Variants in INPP5A observed in about 807,000 individuals in gnomAD.
The protein encoded by INPP5A is 43 kDa inositol polyphosphate 5-phophatase.
Under a neutral mutation model 65.2 loss-of-function variants are expected in INPP5A, and 14 were observed. The ratio of observed to expected loss-of-function variants is 0.21; its 90% confidence interval spans 0.14 to 0.34. INPP5A has a LOEUF of 0.34. INPP5A is among the 10% of genes least tolerant of loss of function. The pLI is 1.00. For missense variants in INPP5A, 431 were observed against 545.6 expected (o/e 0.79, Z 2.09); for synonymous variants, 207 against 208.3 (o/e 0.99, Z 0.05).
chr10:132,589,280 C>T (rs74524742), intron 1 of INPP5A, among the ~76,000 whole-genome samples: 2,310 of 152,368 alleles, frequency 0.015, 33 homozygotes, highest in South Asian at 0.039. Flanking sequence ...CCCTGCAGGG[C>T]CACGTGCGCA....
intron 2 of INPP5A, among the ~76,000 whole-genome samples, chr10:132,610,429 C>T (rs1306703894): frequency 1.3e-5 from 2 of 152,262 alleles, no homozygotes; most frequent in East Asian, 1.9e-4. Context: ...CGGGCCTGCA[C>T]ACCTGGTGGG....
chr10:132,574,219 G>T (rs374676377), intron 1 of INPP5A, among the ~76,000 whole-genome samples: 4 of 5,802 alleles, frequency 6.9e-4, no homozygotes, highest in South Asian at 0.016. Context: ...GCGTGCCGTG[G>T]GAGGTTTTGT....
intron 1 of INPP5A, among the ~76,000 whole-genome samples, chr10:132,606,647 G>A (rs1283165969): frequency 6.6e-6 from 1 of 152,214 alleles, no homozygotes; most frequent in Non-Finnish European, 1.5e-5. Context: ...GCAAGTGAAC[G>A]GAGGAGCGCG....
intron 5 of INPP5A, among the ~76,000 whole-genome samples, chr10:132,695,600 G>C (rs944905216): frequency 6.6e-5 from 10 of 152,308 alleles, no homozygotes; most frequent in Non-Finnish European, 7.4e-5. Context: ...ATCTCAAAGA[G>C]TCAGCAACAA....
At chr10:132,655,987 G>A in intron 4 of INPP5A, among the ~76,000 whole-genome samples, 1 of 152,270 alleles carries the variant, frequency 6.6e-6, no homozygotes, top group Non-Finnish European at 1.5e-5. Context: ...GGGGCCAGGA[G>A]GGCCTGGCGT....
At chr10:132,591,627 GGTT>G (rs1171869041) in intron 1 of INPP5A, among the ~76,000 whole-genome samples, 11 of 152,232 alleles carry the variant, frequency 7.2e-5, no homozygotes, top group African/African-American at 1.7e-4. Flanking sequence ...CCTTCCGCCT[GGTT>G]GTTGTTGGTG....
At chr10:132,684,852 G>A (rs571087747) in intron 4 of INPP5A, among the ~76,000 whole-genome samples, 3 of 152,184 alleles carry the variant, frequency 2.0e-5, no homozygotes, top group Non-Finnish European at 4.4e-5. Context: ...GGGCTCCTGC[G>A]TGAGGCCGCG....
intron 4 of INPP5A, among the ~76,000 whole-genome samples, chr10:132,683,608 C>T (rs185786040): frequency 1.3e-5 from 2 of 152,366 alleles, no homozygotes; most frequent in East Asian, 1.9e-4. Context: ...GACACACTTG[C>T]TCAGTAACAC....
intron 9 of INPP5A, among the ~76,000 whole-genome samples, chr10:132,728,667 G>A (rs992782784): frequency 6.6e-6 from 1 of 152,240 alleles, no homozygotes; most frequent in Non-Finnish European, 1.5e-5. Context: ...AAGAACCCGC[G>A]AAAGACCAAA....
At chr10:132,715,915 G>T (rs1236822884) in intron 8 of INPP5A, among the ~76,000 whole-genome samples, 1 of 152,150 alleles carries the variant, frequency 6.6e-6, no homozygotes, top group East Asian at 1.9e-4. Context: ...GCATGCCCGG[G>T]ACTCCTGGCA....
At chr10:132,745,142 G>A (rs749163876) in intron 9 of INPP5A, among the ~76,000 whole-genome samples, 4 of 152,186 alleles carry the variant, frequency 2.6e-5, no homozygotes, top group South Asian at 2.1e-4. Flanking sequence ...GTGGGAGGGC[G>A]CTATGGCCTG....
chr10:132,719,467 A>C (rs1335210788), intron 8 of INPP5A, among the ~76,000 whole-genome samples: 1 of 146,016 alleles, frequency 6.8e-6, no homozygotes, highest in East Asian at 2.0e-4. Flanking sequence ...TGGGCACCTT[A>C]GACGGCTGTC....
chr10:132,726,678 A>C, intron 8 of INPP5A, 143 bp from the exon 9 acceptor site: 1 of 610,656 alleles, frequency 1.6e-6, no homozygotes, highest in East Asian at 2.8e-5. Flanking sequence ...TTGGGTGTGC[A>C]AAGAGGCAAC....
At chr10:132,712,418 CAT>C (rs557044218) in intron 8 of INPP5A, among the ~76,000 whole-genome samples, 128 of 141,368 alleles carry the variant, frequency 9.1e-4, no homozygotes, top group South Asian at 1.9e-3. Flanking sequence ...CGAGTGCATA[CAT>C]ATGTGTGTGC....
intron 4 of INPP5A, among the ~76,000 whole-genome samples, chr10:132,681,729 C>T (rs1404331658): frequency 1.3e-5 from 2 of 152,178 alleles, no homozygotes; most frequent in African/African-American, 2.4e-5. Flanking sequence ...TTCAGCAGTC[C>T]CACTTCTGGG....
chr10:132,659,456 G>T lies in INPP5A; in HGVS notation c.306+8951G>T, dbSNP rs772929848. On this transcript the variant is annotated intron_variant, in intron 4 of 15. Transcript: ENST00000368594. This position sits in a 1 kb window ranked among gnomAD's most constrained non-coding sequence, Gnocchi z 5.5. The stretch of plus-strand genomic sequence containing the variant: ...GAGGTCCCTGTGGGGTGCATCCACG[G>T]ACGCGGGTCTGGAGGCGCTGCTGTC... Among the ~76,000 whole-genome samples, 1 of 152,242 alleles carries T rather than the reference G, an allele frequency of 6.6e-6. No homozygotes were observed. Among genetic ancestry groups the T allele is most frequent in the Non-Finnish European group, 1.5e-5 (1 of 68,034 alleles).
rs185050822 is a variant in INPP5A, at chr10:132,603,519, A to T, written c.76-4396A>T. Among the ~76,000 whole-genome samples the T allele has an allele frequency of 6.6e-6, 1 of 152,358 alleles. No homozygotes were observed. The highest frequency in any genetic ancestry group is 1.9e-4 in the East Asian group (1 of 5,186). On this transcript the variant is annotated intron_variant, in intron 1 of 15. Coordinates refer to ENST00000368594, the MANE Select transcript of INPP5A (RefSeq NM_005539.5). This position sits in a 1 kb window ranked among gnomAD's most constrained non-coding sequence, Gnocchi z 4.2. ...GTCAGGAGAAACAGACACTGAAGTG[A>T]AACTCAAGGAACTTCTGAATTTGAG...
chr10:132,776,851 G>T (rs1005719177), intron 12 of INPP5A, among the ~76,000 whole-genome samples: 2 of 152,180 alleles, frequency 1.3e-5, no homozygotes, highest in African/African-American at 4.8e-5. Flanking sequence ...GAGGCTCCAG[G>T]CTGGTGGGGG....
intron 12 of INPP5A, among the ~76,000 whole-genome samples, chr10:132,776,765 T>C (rs922589555): frequency 6.6e-6 from 1 of 152,126 alleles, no homozygotes; most frequent in African/African-American, 2.4e-5. Context: ...TCGGGCCCCC[T>C]GAGAACCTGC....
Sources: allele counts gnomAD v4.1 joint callset (sites outside exome capture counted in the v4.1 genomes callset), GRCh38; gene constraint gnomAD v4.1.1; non-coding constraint Gnocchi (gnomAD v3.1); transcripts MANE v1.5; gene names NCBI Gene and HGNC (gene_info 2026-07-23, HGNC 2026-07-21).